Variants in NEDD9 observed in about 807,000 individuals in gnomAD.
NEDD9 encodes neural precursor cell expressed, developmentally down-regulated 9.
In NEDD9, 26 loss-of-function variants were observed where a neutral mutation model predicts 76.6. The observed-to-expected ratio is 0.34, with a 90% CI of 0.25 to 0.47. The LOEUF is 0.47. Among genes scored for constraint, NEDD9 ranks in the 20% least tolerant of loss-of-function variants. NEDD9 has a pLI of 1.00. For missense variants in NEDD9, 937 were observed against 1,058.5 expected (o/e 0.89, Z 1.59); for synonymous variants, 392 against 414.2 (o/e 0.95, Z 0.65).
intron 1 of NEDD9, among the ~76,000 whole-genome samples, chr6:11,356,868 G>A (rs914444972): frequency 9.9e-5 from 15 of 152,084 alleles, no homozygotes; most frequent in African/African-American, 1.9e-4. Flanking sequence ...ACACCCCTTC[G>A]CATGTAAGAA....
chr6:11,257,413 T>C (rs551663354), intron 3 of NEDD9, among the ~76,000 whole-genome samples: 1 of 152,226 alleles, frequency 6.6e-6, no homozygotes, highest in Non-Finnish European at 1.5e-5. Flanking sequence ...AAGACAAGGA[T>C]CTGGAGAGGG....
chr6:11,231,869 G>T (rs866537832), intron 1 of NEDD9, among the ~76,000 whole-genome samples: 1 of 152,052 alleles, frequency 6.6e-6, no homozygotes, highest in East Asian at 1.9e-4. Context: ...CTGAGCCTTC[G>T]CACTCTCACC....
intron 1 of NEDD9, among the ~76,000 whole-genome samples, chr6:11,350,113 C>T (rs758919746): frequency 1.1e-4 from 16 of 152,232 alleles, no homozygotes; most frequent in Non-Finnish European, 2.1e-4. Context: ...TGACAATTGG[C>T]TGTTAATGGC....
intron 3 of NEDD9, among the ~76,000 whole-genome samples, chr6:11,296,784 A>T (rs1760906130): frequency 6.6e-6 from 1 of 150,498 alleles, no homozygotes; most frequent in South Asian, 2.1e-4. Context: ...GCTGGAGTGC[A>T]GTAGCGTGAT....
intron 3 of NEDD9, among the ~76,000 whole-genome samples, chr6:11,240,743 G>A (rs1025711216): frequency 3.3e-5 from 5 of 152,102 alleles, no homozygotes; most frequent in Admixed American, 6.6e-5. Context: ...CAATTGTGAC[G>A]CTCCATTTTA....
Position 11,256,566 on chromosome 6 carries a change from T to C in NEDD9, c.13-42839A>G, listed in dbSNP as rs1256214548. On this transcript the variant is annotated intron_variant, in intron 3 of 3. Coordinates refer to the NEDD9 transcript ENST00000397378. ...AGTGTGGACCTTCCGGCTCAAGTGA[T>C]CCTCCCACCTCAGCCTCCTGAGTAG... Among the ~76,000 whole-genome samples the C allele has an allele frequency of 2.6e-5, 4 of 152,288 alleles. No individual in the cohort carries two copies. The South Asian group carries it at 8.3e-4, about 32-fold the overall frequency.
chr6:11,370,775 G>A lies in NEDD9; in HGVS notation c.-214+11364C>T, dbSNP rs571503885. Among the ~76,000 whole-genome samples the A allele has an allele frequency of 4.6e-4, 70 of 152,272 alleles. No homozygotes were observed. Among genetic ancestry groups the A allele is most frequent in the African/African-American group, 1.3e-3 (54 of 41,552 alleles). Reference sequence around the variant, plus strand: ...AGAACACAGCAGGGGACAAAATAACGTCCTTCACCCACCCACGGAGCCAAC... The same window carrying A: ...AGAACACAGCAGGGGACAAAATAACATCCTTCACCCACCCACGGAGCCAAC... On this transcript the variant is annotated intron_variant, in intron 1 of 3. Coordinates refer to the NEDD9 transcript ENST00000397378. This position sits in a 1 kb window ranked among gnomAD's most constrained non-coding sequence, Gnocchi z 4.2.
intron 2 of NEDD9, chr6:11,199,637 C>CTTTTTTTTTTTTTTTTTT (rs59651160): frequency 4.6e-5 from 2 of 43,110 alleles, no homozygotes; most frequent in Non-Finnish European, 8.6e-5. Flanking sequence ...TAGGAAAGAT[C>CTTTTTTTTTTTTTTTTTT]TTTTTTTTTT....
chr6:11,205,482 CA>C (rs1163518811), intron 2 of NEDD9, among the ~76,000 whole-genome samples: 1 of 152,150 alleles, frequency 6.6e-6, no homozygotes, highest in Non-Finnish European at 1.5e-5. Context: ...TTAAGAAAAC[CA>C]AGTATTACAA....
At position 11,252,271 on chromosome 6, in the gene NEDD9, T is replaced by C. The variant is rs992427212; in HGVS notation, c.13-38544A>G. 2.4e-4 allele frequency among the ~76,000 whole-genome samples: 36 copies of C among 152,172 alleles called. No individual in the cohort carries two copies. Among genetic ancestry groups the C allele is most frequent in the African/African-American group, 8.2e-4 (34 of 41,434 alleles). ...GCATGTCATGAACTTTCTGGCTCAC[T>C]GGGAGCTGAGAATACAGATGAACAT... On this transcript the variant is annotated intron_variant, in intron 3 of 3. Transcript: ENST00000397378. This position sits in a 1 kb window ranked among gnomAD's most constrained non-coding sequence, Gnocchi z 4.3.
intron 1 of NEDD9, among the ~76,000 whole-genome samples, chr6:11,220,493 G>T (rs1759106814): frequency 6.6e-6 from 1 of 152,212 alleles, no homozygotes; most frequent in African/African-American, 2.4e-5. Flanking sequence ...CATGGCAAGA[G>T]AAGCTGTTAA....
At chr6:11,192,594 G>A in intron 3 of NEDD9, 148 bp from the exon 4 acceptor site, 2 of 416,336 alleles carry the variant, frequency 4.8e-6, no homozygotes, top group Non-Finnish European at 7.7e-6. Context: ...CAGATTTATT[G>A]CCTTTTTTTT....
At chr6:11,269,998 G>A (rs986601944) in intron 3 of NEDD9, among the ~76,000 whole-genome samples, 4 of 152,136 alleles carry the variant, frequency 2.6e-5, no homozygotes, top group Non-Finnish European at 4.4e-5. Context: ...GTGGTGGTGC[G>A]TGCCTATAAT....
chr6:11,378,903 G>A (rs1763013133), intron 1 of NEDD9, among the ~76,000 whole-genome samples: 1 of 152,206 alleles, frequency 6.6e-6, no homozygotes, highest in Non-Finnish European at 1.5e-5. Context: ...GGAGCCTCAT[G>A]GATTCTTACT....
rs567356001 is a variant in NEDD9 at position 11,252,985 on chromosome 6, A to C, written c.13-39258T>G. Among the ~76,000 whole-genome samples, 2 of 152,184 alleles carry C rather than the reference A, an allele frequency of 1.3e-5. No individual in the cohort carries two copies. Among genetic ancestry groups the C allele is most frequent in the African/African-American group, 4.8e-5 (2 of 41,448 alleles). On this transcript the variant is annotated intron_variant, in intron 3 of 3. Transcript: ENST00000397378. This position sits in a 1 kb window ranked among gnomAD's most constrained non-coding sequence, Gnocchi z 4.3. ...TTTAATGCTTTCCTGGCAGTTGCCT[A>C]AGAACAAAACATTATCTTGTGGGAG...
chr6:11,287,515 T>C (rs921625218), intron 3 of NEDD9, among the ~76,000 whole-genome samples: 2 of 137,242 alleles, frequency 1.5e-5, no homozygotes, highest in Non-Finnish European at 3.0e-5. Context: ...GGTACAGTAG[T>C]GCACAAATCC....
chr6:11,306,036 T>C (rs767496033), exon 3 of NEDD9: 7 of 1,613,796 alleles, frequency 4.3e-6, no homozygotes, highest in Non-Finnish European at 5.9e-6. Flanking sequence ...CTCTGGATGT[T>C]GGAAAGGACA....
At chr6:11,215,420 T>A (rs529877871) in intron 1 of NEDD9, among the ~76,000 whole-genome samples, 247 of 152,278 alleles carry the variant, frequency 1.6e-3, no homozygotes, top group African/African-American at 5.8e-3. Context: ...CATCTAACAA[T>A]GAAAAGTTCA....
chr6:11,291,392 A>G (rs1760766593), intron 3 of NEDD9, among the ~76,000 whole-genome samples: 1 of 145,180 alleles, frequency 6.9e-6, no homozygotes, highest in Admixed American at 7.3e-5. Context: ...CTCCTGCCTC[A>G]GCCTCCCCAG....
Sources: gnomAD v4.1 joint callset for allele counts (sites outside exome capture counted in the v4.1 genomes callset) on GRCh38, gnomAD v4.1.1 for gene constraint, Gnocchi (gnomAD v3.1) non-coding constraint, MANE v1.5 for transcripts, NCBI Gene and HGNC (gene_info 2026-07-23, HGNC 2026-07-21) for gene names.